The following FANCC variants were observed in gnomAD, a reference collection of about 807,000 sequenced individuals.
FANCC encodes Fanconi anemia group C protein.
FANCC carries 55 observed loss-of-function variants against 71.3 expected under a neutral mutation model. The ratio of observed to expected loss-of-function variants is 0.77; its 90% CI spans 0.62 to 0.97. The LOEUF is 0.97. FANCC is among the 50% of genes least tolerant of loss of function. The pLI is 0.00. For synonymous variants in FANCC, 275 were observed against 244.9 expected, an observed-to-expected ratio of 1.12 and a Z score of -1.15; for missense variants, 678 against 670.9, an observed-to-expected ratio of 1.01 and a Z score of -0.12.
rs898977486 is a variant in FANCC, at chr9:95,099,559, T to C, written c.*2148A>G. 8 of 230,078 alleles carry C rather than the reference T, an allele frequency of 3.5e-5. No individual in the cohort carries two copies. The highest frequency in any genetic ancestry group is 1.3e-4 in the African/African-American group (6 of 45,064). 14.3% of individuals were successfully genotyped at this position (230,078 alleles called of 1,614,324 possible). On this transcript the variant is annotated 3_prime_UTR_variant, in exon 15 of 15. Coordinates refer to ENST00000289081, the MANE Select transcript of FANCC (RefSeq NM_000136.3). Reference sequence around the variant, plus strand: ...GTGCCTGCCCGGCCGCCACCTGTCTTGGAGGTGGAGGGAATGGCCGAGGGG... The same window carrying C: ...GTGCCTGCCCGGCCGCCACCTGTCTCGGAGGTGGAGGGAATGGCCGAGGGG...
At chr9:95,168,509 G>A (rs1409887676) in intron 6 of FANCC, among the ~76,000 whole-genome samples, 1 of 152,190 alleles carries the variant, frequency 6.6e-6, no homozygotes, top group Non-Finnish European at 1.5e-5. Context: ...AAAAATTCCA[G>A]AAATAATTCA....
At chr9:95,154,504 A>G (rs923690534) in intron 6 of FANCC, among the ~76,000 whole-genome samples, 1 of 152,234 alleles carries the variant, frequency 6.6e-6, no homozygotes, top group South Asian at 2.1e-4. Context: ...ATGGAATGCT[A>G]TATGGCAGTT....
At chr9:95,236,323 T>C (rs750816086) in intron 4 of FANCC, among the ~76,000 whole-genome samples, 7 of 152,214 alleles carry the variant, frequency 4.6e-5, no homozygotes, top group Non-Finnish European at 7.3e-5. Context: ...TCAGCCTCTA[T>C]AGTTGTGCCT....
Position 95,181,817 on chromosome 9 carries a change from G to A in FANCC, c.346-9670C>T, listed in dbSNP as rs571346969. On this transcript the variant is annotated intron_variant, in intron 4 of 14. Transcript: ENST00000289081. ...TAAAAGAATGAAACTCTGCTCATGT[G>A]TGAAAAGCCATTGAATGTGCTTAGA... 9.8e-5 allele frequency among the ~76,000 whole-genome samples: 15 copies of A among 152,336 alleles called. No homozygotes were observed. The South Asian group carries it at 2.9e-3, about 29-fold the overall frequency.
chr9:95,272,983 G>C (rs543149607), intron 1 of FANCC, among the ~76,000 whole-genome samples: 17 of 152,196 alleles, frequency 1.1e-4, no homozygotes, highest in Admixed American at 1.0e-3. Context: ...ACCTTACAGA[G>C]ACCATCCATC....
chr9:95,155,103 A>C (rs1471305030), intron 6 of FANCC, among the ~76,000 whole-genome samples: 1 of 150,140 alleles, frequency 6.7e-6, no homozygotes, highest in African/African-American at 2.5e-5. Context: ...GCCACTCGGG[A>C]GGCTGAGGTG....
intron 4 of FANCC, among the ~76,000 whole-genome samples, chr9:95,181,315 G>C (rs1265688683): frequency 9.9e-5 from 15 of 152,216 alleles, no homozygotes; most frequent in East Asian, 1.9e-4. Context: ...ACAACATACA[G>C]AGGCCAGTAT....
At chr9:95,186,995 T>G (rs1335916956) in intron 4 of FANCC, among the ~76,000 whole-genome samples, 1 of 152,126 alleles carries the variant, frequency 6.6e-6, no homozygotes, top group African/African-American at 2.4e-5. Flanking sequence ...TTTCACCACA[T>G]GGTCTCAAAC....
chr9:95,301,322 T>A (rs1210187198), intron 1 of FANCC, among the ~76,000 whole-genome samples: 2 of 152,194 alleles, frequency 1.3e-5, no homozygotes, highest in Non-Finnish European at 2.9e-5. Flanking sequence ...AAAATATTTA[T>A]AATATCATAA....
intron 4 of FANCC, among the ~76,000 whole-genome samples, chr9:95,236,723 T>C (rs541702425): frequency 6.6e-6 from 1 of 152,344 alleles, no homozygotes; most frequent in East Asian, 1.9e-4. Flanking sequence ...AATGCTCCAG[T>C]AACACAGAAT....
chr9:95,153,990 A>G (rs1425481224), intron 6 of FANCC, among the ~76,000 whole-genome samples: 1 of 152,146 alleles, frequency 6.6e-6, no homozygotes, highest in African/African-American at 2.4e-5. Flanking sequence ...TCATGCCTGT[A>G]ATCCCAGCAC....
chr9:95,263,826 G>A (rs1832220601), intron 1 of FANCC, among the ~76,000 whole-genome samples: 1 of 152,172 alleles, frequency 6.6e-6, no homozygotes, highest in Admixed American at 6.5e-5. Context: ...GTACAGACCA[G>A]TCATGGTATT....
At chr9:95,104,084 G>T (rs993157201) in intron 14 of FANCC, among the ~76,000 whole-genome samples, 2 of 152,164 alleles carry the variant, frequency 1.3e-5, no homozygotes, top group African/African-American at 4.8e-5. Flanking sequence ...CCACCTGCTC[G>T]TGGGCCAAGC....
intron 3 of FANCC, among the ~76,000 whole-genome samples, chr9:95,241,661 A>G (rs4647434): frequency 6.6e-6 from 1 of 151,926 alleles, no homozygotes; most frequent in South Asian, 2.1e-4. Flanking sequence ...AATAAACCCA[A>G]TCTTTCTCTT....
At chr9:95,220,634 C>T (rs756703689) in intron 4 of FANCC, among the ~76,000 whole-genome samples, 83 of 152,212 alleles carry the variant, frequency 5.5e-4, no homozygotes, top group Non-Finnish European at 1.0e-3. Context: ...AACCAAACAT[C>T]GCATGTTCTC....
Position 95,292,942 on chromosome 9 carries a change from A to C in FANCC, c.-79+24584T>G, listed in dbSNP as rs754164088. ...TGCGGCTGTCCCTACGCCAGTAGAAAAGCATTGCAGTCTCACATCTACCGA... is the reference window on the plus strand; with the variant it reads ...TGCGGCTGTCCCTACGCCAGTAGAACAGCATTGCAGTCTCACATCTACCGA... On this transcript the variant is annotated intron_variant, in intron 1 of 14. Transcript: ENST00000289081. The C allele has an allele frequency of 7.7e-4, 1,212 of 1,580,018 alleles. 2 individuals are homozygous for C. The highest frequency in any genetic ancestry group is 9.7e-4 in the Non-Finnish European group (1,114 of 1,149,150).
At chr9:95,288,828 TGCAA>T (rs147474480) in intron 1 of FANCC, among the ~76,000 whole-genome samples, 1,633 of 152,084 alleles carry the variant, frequency 0.011, 37 homozygotes, top group African/African-American at 0.037. Flanking sequence ...GGCTTGGTAG[TGCAA>T]GCGTGTAACC....
intron 6 of FANCC, among the ~76,000 whole-genome samples, chr9:95,151,249 T>C (rs1830152609): frequency 6.6e-6 from 1 of 152,204 alleles, no homozygotes; most frequent in African/African-American, 2.4e-5. Context: ...CAGCTTCTCC[T>C]ACTTTGCCCA....
At chr9:95,272,587 C>T (rs1366508010) in intron 1 of FANCC, among the ~76,000 whole-genome samples, 2 of 152,060 alleles carry the variant, frequency 1.3e-5, no homozygotes, top group Non-Finnish European at 2.9e-5. Flanking sequence ...ATCCCAGCTA[C>T]TCGGGAGGCT....
Sources: allele counts gnomAD v4.1 joint callset (sites outside exome capture counted in the v4.1 genomes callset), GRCh38; gene constraint gnomAD v4.1.1; transcripts MANE v1.5; gene names NCBI Gene and HGNC (gene_info 2026-07-23, HGNC 2026-07-21).